FGFRL1: variants seen among roughly 807,000 people sequenced by gnomAD.
FGFRL1 encodes fibroblast growth factor receptor-like 1.
Under a neutral mutation model 36.8 loss-of-function variants are expected in FGFRL1, and 24 were observed. That is an observed-to-expected ratio of 0.65 (90% CI 0.47 to 0.92). The LOEUF (loss-of-function observed/expected upper bound fraction) is 0.92. Ranked by LOEUF, FGFRL1 falls within the 40% of genes least tolerant of loss-of-function variation. FGFRL1 has a pLI of 0.00. For missense variants in FGFRL1, 785 were observed against 753.4 expected (o/e 1.04, Z -0.49); for synonymous variants, 422 against 344.1 (o/e 1.23, Z -2.50).
intron 2 of FGFRL1, among the ~76,000 whole-genome samples, chr4:1,021,793 C>G (rs559502765): frequency 6.6e-6 from 1 of 152,204 alleles, no homozygotes; most frequent in Non-Finnish European, 1.5e-5. Flanking sequence ...GGCCACTGTC[C>G]CCTCTGACCT....
rs1429585855 is a variant in FGFRL1 at position 1,025,365 on chromosome 4, G to T, written c.*18G>T. On this transcript the variant is annotated 3_prime_UTR_variant, in exon 7 of 7. Transcript: ENST00000510644. ...AGTGCTAGACGGCACCGTATCTGCAGTGGGCACGGGGGGGCCGGCCAGACA... is the reference window on the plus strand; with the variant it reads ...AGTGCTAGACGGCACCGTATCTGCATTGGGCACGGGGGGGCCGGCCAGACA... 6.5e-7 allele frequency: 1 copy of T among 1,528,296 alleles called. No individual in the cohort carries two copies. Among genetic ancestry groups the T allele is most frequent in the African/African-American group, 1.4e-5 (1 of 72,860 alleles). 94.7% of individuals were successfully genotyped at this position (1,528,296 alleles called of 1,614,324 possible).
rs1716549916 is a variant in FGFRL1 at position 1,026,568 on chromosome 4, A to G, written c.*1221A>G. 1 of 222,544 alleles carries G rather than the reference A, an allele frequency of 4.5e-6. No homozygotes were observed. Among genetic ancestry groups the G allele is most frequent in the South Asian group, 5.5e-5 (1 of 18,222 alleles). 13.8% of individuals were successfully genotyped at this position (222,544 alleles called of 1,614,324 possible). On this transcript the variant is annotated 3_prime_UTR_variant, in exon 7 of 7. Transcript: ENST00000510644. ...TGGGGGCACAGCAGCCCCAAGCCTGAGAGGCTGGAGCCCATGGCTAGTGGC... is the reference window on the plus strand; with the variant it reads ...TGGGGGCACAGCAGCCCCAAGCCTGGGAGGCTGGAGCCCATGGCTAGTGGC...
rs993755325 is a variant in FGFRL1 at position 1,023,624 on chromosome 4, C to T, written c.353-17C>T. 29 of 1,589,198 alleles carry T rather than the reference C, an allele frequency of 1.8e-5. No individual in the cohort carries two copies. The highest frequency in any genetic ancestry group is 2.3e-5 in the East Asian group (1 of 44,144). ...CCCCCTCACCTGCCCTCCCTGTGCACCTCCGTCTCTCTGCAGATGACATTA... is the reference window on the plus strand; with the variant it reads ...CCCCCTCACCTGCCCTCCCTGTGCATCTCCGTCTCTCTGCAGATGACATTA... On this transcript the variant is annotated splice_polypyrimidine_tract_variant and intron_variant, in intron 3 of 6. Coordinates refer to ENST00000510644, the MANE Select transcript of FGFRL1 (RefSeq NM_001004356.3). The surrounding 1 kb of genome is among the most constrained non-coding windows in gnomAD (Gnocchi z 6.0).
rs1214634520 is a variant in FGFRL1, at chr4:1,026,809, C to T, written c.*1462C>T. Reference sequence around the variant, plus strand: ...CCCCACCCCACTGTCGTGGTGGCCCCAGATCTCTGTAATTTTATGTAGAGT... The same window carrying T: ...CCCCACCCCACTGTCGTGGTGGCCCTAGATCTCTGTAATTTTATGTAGAGT... On this transcript the variant is annotated 3_prime_UTR_variant, in exon 7 of 7. Transcript: ENST00000510644. 1 of 455,406 alleles carries T rather than the reference C, an allele frequency of 2.2e-6. No individual in the cohort carries two copies. The highest frequency in any genetic ancestry group is 2.0e-5 in the African/African-American group (1 of 50,160). The allele number at this position is 455,406 out of a possible 1,614,324, so 28.2% of individuals were successfully genotyped here.
chr4:1,014,167 C>A (rs957140950), intron 2 of FGFRL1, among the ~76,000 whole-genome samples: 1 of 152,182 alleles, frequency 6.6e-6, no homozygotes, highest in East Asian at 1.9e-4. Flanking sequence ...CCATTTCCCG[C>A]TGGGTCATAA....
At chr4:1,021,664 C>G (rs1026886211) in intron 2 of FGFRL1, among the ~76,000 whole-genome samples, 3 of 152,150 alleles carry the variant, frequency 2.0e-5, no homozygotes, top group Non-Finnish European at 2.9e-5. Flanking sequence ...GGGTCGCTGG[C>G]CCATGCCCAG....
chr4:1,013,052 C>A (rs1200509618), intron 2 of FGFRL1, among the ~76,000 whole-genome samples: 1 of 152,214 alleles, frequency 6.6e-6, no homozygotes, highest in Non-Finnish European at 1.5e-5. Flanking sequence ...AGTCCCCCAG[C>A]CGACCTAGCC....
intron 1 of FGFRL1, 55 bp downstream of exon 1, chr4:1,012,009 GGGGTCC>G (rs1333818610): frequency 6.8e-6 from 1 of 146,710 alleles, no homozygotes; most frequent in African/African-American, 2.5e-5. Context: ...GGGGAGGGCG[GGGGTCC>G]GGGGCGGGGG....
chr4:1,026,283 C>A lies in FGFRL1; in HGVS notation c.*936C>A, dbSNP rs1328544024. 4 of 158,554 alleles carry A rather than the reference C, an allele frequency of 2.5e-5. No homozygotes were observed. The highest frequency in any genetic ancestry group is 5.5e-5 in the Non-Finnish European group (4 of 72,248). The allele number at this position is 158,554 out of a possible 1,614,324, so 9.8% of individuals were successfully genotyped here. ...ACACTTCCGGACACACATGCACACA[C>A]AGGTGCAGATATGCTGCCTGGACAC... is the stretch of plus-strand genomic sequence containing the variant. On this transcript the variant is annotated 3_prime_UTR_variant, in exon 7 of 7. Coordinates refer to ENST00000510644, the MANE Select transcript of FGFRL1 (RefSeq NM_001004356.3).
At position 1,025,545 on chromosome 4, in the gene FGFRL1, C is replaced by T; in HGVS notation, c.*198C>T. The T allele has an allele frequency of 1.5e-6, 1 of 665,628 alleles. No homozygotes were observed. The highest frequency in any genetic ancestry group is 2.5e-6 in the Non-Finnish European group (1 of 397,182). 41.2% of individuals were successfully genotyped at this position (665,628 alleles called of 1,614,324 possible). ...CACTGCCTGGATGCATGTATGCACA[C>T]ACATGCGCGCACACGTGCTCCCTGA... On this transcript the variant is annotated 3_prime_UTR_variant, in exon 7 of 7. Coordinates refer to ENST00000510644, the MANE Select transcript of FGFRL1 (RefSeq NM_001004356.3).
intron 1 of FGFRL1, 154 bp downstream of exon 1, chr4:1,012,108 C>T (rs1715617554): frequency 1.5e-5 from 2 of 134,644 alleles, no homozygotes; most frequent in South Asian, 2.2e-4. Context: ...GCCTGCCCCG[C>T]CCCCGCCCCC....
At chr4:1,012,438 C>T (rs1017589938) in intron 1 of FGFRL1, 32 bp from the exon 2 acceptor site, 12 of 1,572,906 alleles carry the variant, frequency 7.6e-6, no homozygotes, top group Non-Finnish European at 9.4e-6. Flanking sequence ...CCCAGTTCCA[C>T]GTGTTAGTGA....
Position 1,011,917 on chromosome 4 carries a change from C to G in FGFRL1, c.-54C>G, listed in dbSNP as rs986500099. On this transcript the variant is annotated 5_prime_UTR_variant, in exon 1 of 7. Transcript: ENST00000510644. ...GCGGAGCGCACGCCGCGGGCCCGGC[C>G]CTGACCCCGCCGCCCGCCCGCTGAG... is the stretch of plus-strand genomic sequence containing the variant. The G allele has an allele frequency of 2.7e-5, 4 of 145,936 alleles. No individual in the cohort carries two copies. Among genetic ancestry groups the G allele is most frequent in the African/African-American group, 9.8e-5 (4 of 40,840 alleles). The allele number at this position is 145,936 out of a possible 1,614,324, so 9.0% of individuals were successfully genotyped here. A position where few individuals can be genotyped will look rare whatever the true frequency, so the allele number is the denominator to read the frequency against.
Position 1,024,660 on chromosome 4 carries a change from G to A in FGFRL1, c.1068G>A (p.Leu356=), listed in dbSNP as rs1362961149. ...YSFRSAFLTV[L]PDPKPPGPPV... is the part of the protein sequence containing the mutation. ...TCCGCAGCGCCTTCCTCACCGTGCT[G>A]CCAGGTGCGCGGCTGCCACGCCACG... is the stretch of plus-strand genomic sequence containing the variant. The change falls in exon 6 of 7, where the codon CTG becomes CTA. Residue 356 remains leucine (L), a synonymous_variant. Coordinates refer to ENST00000510644, the MANE Select transcript of FGFRL1 (RefSeq NM_001004356.3). 6.3e-7 allele frequency: 1 copy of A among 1,597,024 alleles called. No individual in the cohort carries two copies. The highest frequency in any genetic ancestry group is 2.2e-5 in the East Asian group (1 of 44,538).
At chr4:1,015,292 C>T (rs1035047345) in intron 2 of FGFRL1, among the ~76,000 whole-genome samples, 2 of 152,214 alleles carry the variant, frequency 1.3e-5, no homozygotes, top group Non-Finnish European at 2.9e-5. Context: ...GAGGGATACC[C>T]ACACCCCTCT....
rs187595155 is a variant in FGFRL1, at chr4:1,025,646, C to G, written c.*299C>G. The G allele has an allele frequency of 3.9e-6, 2 of 514,784 alleles. No homozygotes were observed. Among genetic ancestry groups the G allele is most frequent in the East Asian group, 6.6e-5 (2 of 30,102 alleles). 31.9% of individuals were successfully genotyped at this position (514,784 alleles called of 1,614,324 possible). A position where few individuals can be genotyped will look rare whatever the true frequency, so the allele number is the denominator to read the frequency against. ...CAGATAAGCTGCCCAAATGCACGCA[C>G]ACGCACAGAGACATGCCAGAACATA... On this transcript the variant is annotated 3_prime_UTR_variant, in exon 7 of 7. Transcript: ENST00000510644.
Position 1,025,544 on chromosome 4 carries a change from A to G in FGFRL1, c.*197A>G. On this transcript the variant is annotated 3_prime_UTR_variant, in exon 7 of 7. Coordinates refer to ENST00000510644, the MANE Select transcript of FGFRL1 (RefSeq NM_001004356.3). ...ACACTGCCTGGATGCATGTATGCAC[A>G]CACATGCGCGCACACGTGCTCCCTG... The G allele has an allele frequency of 4.4e-6, 3 of 682,792 alleles. No homozygotes were observed. Among genetic ancestry groups the G allele is most frequent in the Non-Finnish European group, 7.3e-6 (3 of 411,886 alleles). The allele number at this position is 682,792 out of a possible 1,614,324, so 42.3% of individuals were successfully genotyped here.
Position 1,026,198 on chromosome 4 carries a change from G to A in FGFRL1, c.*851G>A, listed in dbSNP as rs370714398. The A allele has an allele frequency of 1.2e-3, 193 of 154,532 alleles. No homozygotes were observed. In the East Asian group the frequency reaches 0.031, roughly 25 times the overall value. 9.6% of individuals were successfully genotyped at this position (154,532 alleles called of 1,614,324 possible). ...ATATGCTGTCTGGACATGCACACAC[G>A]TGCAGATATGCTGTCCGGATACACA... On this transcript the variant is annotated 3_prime_UTR_variant, in exon 7 of 7. Transcript: ENST00000510644.
At chr4:1,017,894 AC>A (rs201562536) in intron 2 of FGFRL1, among the ~76,000 whole-genome samples, 3,636 of 152,098 alleles carry the variant, frequency 0.024, 133 homozygotes, top group African/African-American at 0.073. Context: ...CCACACCCAC[AC>A]CGTTCTCCCT....
Sources: allele counts gnomAD v4.1 joint callset (sites outside exome capture counted in the v4.1 genomes callset), GRCh38; gene constraint gnomAD v4.1.1; non-coding constraint Gnocchi (gnomAD v3.1); transcripts MANE v1.5; gene names NCBI Gene and HGNC (gene_info 2026-07-23, HGNC 2026-07-21).